Variants in KIAA1217 observed in about 807,000 individuals in gnomAD.
KIAA1217 encodes the protein sickle tail protein homolog.
Under a neutral mutation model 163.9 loss-of-function variants are expected in KIAA1217, and 88 were observed. That is an observed-to-expected ratio of 0.54 (90% CI 0.45 to 0.64). The LOEUF is 0.64. Among genes scored for constraint, KIAA1217 ranks in the 30% least tolerant of loss-of-function variants. The pLI is 0.00. For missense variants in KIAA1217, 2,372 were observed against 2,475.0 expected, an observed-to-expected ratio of 0.96 and a Z score of 0.88; for synonymous variants, 903 against 923.1, an observed-to-expected ratio of 0.98 and a Z score of 0.39.
chr10:23,711,677 TC>T (rs1837265630), intron 1 of KIAA1217, among the ~76,000 whole-genome samples: 1 of 152,184 alleles, frequency 6.6e-6, no homozygotes, highest in Non-Finnish European at 1.5e-5. Context: ...CTTCTGGGTG[TC>T]ATCACAGAAA....
chr10:23,707,407 C>A (rs1836961032), intron 1 of KIAA1217, among the ~76,000 whole-genome samples: 7 of 152,150 alleles, frequency 4.6e-5, no homozygotes, highest in Admixed American at 4.6e-4. Context: ...AGGCCCATGT[C>A]ATTATCCTCA....
chr10:24,543,938 C>T lies in KIAA1217; in HGVS notation c.4668C>T (p.Cys1556=), dbSNP rs767405688. 6.2e-7 allele frequency: 1 copy of T among 1,614,046 alleles called. No homozygotes were observed. The highest frequency in any genetic ancestry group is 1.7e-5 in the Admixed American group (1 of 60,018). Reference sequence around the variant, plus strand: ...ACGTGGATTCTCCAAATTCGGAATGCAAGGGTGAGGACGCGACCGATGACC... The same window carrying T: ...ACGTGGATTCTCCAAATTCGGAATGTAAGGGTGAGGACGCGACCGATGACC... ...FSHVDSPNSE[C]KGEDATDDQF... The change falls in exon 19 of 21, where the codon TGC becomes TGT. Residue 1556 remains cysteine (C), a synonymous_variant. Coordinates refer to ENST00000376454, the MANE Select transcript of KIAA1217 (RefSeq NM_019590.5).
Position 24,023,765 on chromosome 10 carries a change from A to G in KIAA1217, c.-171+16391A>G, listed in dbSNP as rs184435509. On this transcript the variant is annotated intron_variant, in intron 2 of 18. Transcript: ENST00000376462. The stretch of plus-strand genomic sequence containing the variant: ...TAATCAAATTGTAATATTGTTATAT[A>G]AATAAATACCACATAGCAATGAAAA... Among the ~76,000 whole-genome samples the G allele has an allele frequency of 1.3e-3, 198 of 150,822 alleles. 1 individual carries two copies. Among genetic ancestry groups the G allele is most frequent in the African/African-American group, 4.4e-3 (182 of 41,488 alleles).
chr10:24,039,381 T>C (rs1182380238), intron 2 of KIAA1217, among the ~76,000 whole-genome samples: 2 of 152,162 alleles, frequency 1.3e-5, no homozygotes, highest in South Asian at 4.1e-4. Flanking sequence ...AACCATACTT[T>C]GAATTTTGAA....
intron 2 of KIAA1217, among the ~76,000 whole-genome samples, chr10:24,059,868 A>G (rs2060654863): frequency 6.6e-6 from 1 of 152,026 alleles, no homozygotes; most frequent in Non-Finnish European, 1.5e-5. Flanking sequence ...CCTGGCCTCT[A>G]TGCGAGTTTT....
intron 1 of KIAA1217, among the ~76,000 whole-genome samples, chr10:23,776,079 A>G (rs921747085): frequency 6.6e-6 from 1 of 152,188 alleles, no homozygotes; most frequent in African/African-American, 2.4e-5. Flanking sequence ...ATGTTCAGAA[A>G]AATAATCAAA....
intron 2 of KIAA1217, among the ~76,000 whole-genome samples, chr10:24,260,820 G>A (rs2075650961): frequency 1.3e-5 from 2 of 151,844 alleles, no homozygotes; most frequent in Non-Finnish European, 2.9e-5. Context: ...CATACCTTTT[G>A]TCTAGACTTG....
intron 1 of KIAA1217, among the ~76,000 whole-genome samples, chr10:23,974,792 C>T (rs1050183200): frequency 1.3e-5 from 2 of 152,104 alleles, no homozygotes; most frequent in Admixed American, 6.5e-5. Context: ...CCAAGTACGA[C>T]GCCAGCCATA....
chr10:23,733,372 C>T (rs763908055), intron 1 of KIAA1217, among the ~76,000 whole-genome samples: 4 of 152,070 alleles, frequency 2.6e-5, no homozygotes, highest in South Asian at 2.1e-4. Flanking sequence ...TTTGATAAAT[C>T]GCTTTTCAGT....
intron 6 of KIAA1217, among the ~76,000 whole-genome samples, chr10:24,484,705 G>A (rs747307012): frequency 6.6e-6 from 1 of 152,144 alleles, no homozygotes; most frequent in Non-Finnish European, 1.5e-5. Context: ...GGGATTACAA[G>A]TGTGAGCCAC....
intron 2 of KIAA1217, among the ~76,000 whole-genome samples, chr10:24,101,717 A>G (rs2062424080): frequency 6.6e-6 from 1 of 152,138 alleles, no homozygotes; most frequent in African/African-American, 2.4e-5. Context: ...AAAAATGATA[A>G]TTTCATAATG....
At chr10:24,062,708 C>T (rs1357428854) in intron 2 of KIAA1217, among the ~76,000 whole-genome samples, 2 of 151,842 alleles carry the variant, frequency 1.3e-5, no homozygotes, top group East Asian at 1.9e-4. Flanking sequence ...CCTGAGGAAT[C>T]GCCACACTGA....
intron 2 of KIAA1217, among the ~76,000 whole-genome samples, chr10:24,179,085 T>A (rs1244230948): frequency 6.6e-6 from 1 of 152,202 alleles, no homozygotes; most frequent in Non-Finnish European, 1.5e-5. Context: ...TTATCTCCCA[T>A]GTACACAGAG....
intron 2 of KIAA1217, among the ~76,000 whole-genome samples, chr10:24,188,758 G>C (rs1374285503): frequency 2.0e-5 from 3 of 152,080 alleles, no homozygotes; most frequent in African/African-American, 7.2e-5. Context: ...GGAGGAGACC[G>C]GACACTTTCC....
intron 4 of KIAA1217, among the ~76,000 whole-genome samples, chr10:24,437,976 C>A (rs2060201634): frequency 7.0e-6 from 1 of 141,932 alleles, no homozygotes. Flanking sequence ...AAGCAGCAAA[C>A]CAGGTGTTTG....
At chr10:24,399,747 G>C (rs996292074) in intron 3 of KIAA1217, among the ~76,000 whole-genome samples, 3 of 152,216 alleles carry the variant, frequency 2.0e-5, no homozygotes, top group Non-Finnish European at 4.4e-5. Context: ...TAATAGGAAA[G>C]AATGAGTATC....
chr10:24,000,557 C>T (rs1290047681), intron 1 of KIAA1217, among the ~76,000 whole-genome samples: 1 of 152,174 alleles, frequency 6.6e-6, no homozygotes, highest in Non-Finnish European at 1.5e-5. Flanking sequence ...AGTATGAGAA[C>T]AGACTAATGC....
chr10:23,813,502 T>C (rs1444163298), intron 1 of KIAA1217, among the ~76,000 whole-genome samples: 1 of 152,080 alleles, frequency 6.6e-6, no homozygotes, highest in African/African-American at 2.4e-5. Context: ...ATCCTGTTTT[T>C]CTCACTTAAA....
At chr10:23,942,081 A>C (rs1843798467) in intron 1 of KIAA1217, among the ~76,000 whole-genome samples, 1 of 152,212 alleles carries the variant, frequency 6.6e-6, no homozygotes, top group Admixed American at 6.5e-5. Flanking sequence ...AATAATATGC[A>C]ACTCAATACA....
Sources: gnomAD v4.1 joint callset for allele counts (sites outside exome capture counted in the v4.1 genomes callset) on GRCh38, gnomAD v4.1.1 for gene constraint, MANE v1.5 for transcripts, NCBI Gene and HGNC (gene_info 2026-07-23, HGNC 2026-07-21) for gene names.